ZNF385D: variants seen among roughly 807,000 people sequenced by gnomAD.
The protein encoded by ZNF385D is zinc finger protein 659.
ZNF385D carries 15 observed loss-of-function variants against 35.8 expected under a neutral mutation model. The observed-to-expected ratio is 0.42, with a 90% CI of 0.28 to 0.64. The LOEUF (loss-of-function observed/expected upper bound fraction) is 0.64, where lower values mean the gene tolerates loss of function less well. ZNF385D is among the 30% of genes least tolerant of loss of function. ZNF385D has a pLI of 0.23. For synonymous variants in ZNF385D, 212 were observed against 186.8 expected, an observed-to-expected ratio of 1.13 and a Z score of -1.10; for missense variants, 474 against 494.6, an observed-to-expected ratio of 0.96 and a Z score of 0.39.
chr3:22,155,962 T>G (rs1705556069), intron 3 of ZNF385D, among the ~76,000 whole-genome samples: 2 of 152,042 alleles, frequency 1.3e-5, no homozygotes, highest in Non-Finnish European at 1.5e-5. Context: ...ATCAAGGACT[T>G]TGAATTTTAG....
intron 3 of ZNF385D, among the ~76,000 whole-genome samples, chr3:22,040,999 C>T (rs1002446454): frequency 1.3e-5 from 2 of 151,952 alleles, no homozygotes; most frequent in African/African-American, 2.4e-5. Context: ...AGCAGAGAAT[C>T]GCATTTACTG....
chr3:21,673,366 C>T (rs2066632711), intron 1 of ZNF385D, among the ~76,000 whole-genome samples: 1 of 152,146 alleles, frequency 6.6e-6, no homozygotes, highest in Non-Finnish European at 1.5e-5. Flanking sequence ...TCCATTCTCA[C>T]AGAAGGTGCT....
At chr3:22,024,182 C>A (rs956363713) in intron 3 of ZNF385D, among the ~76,000 whole-genome samples, 3 of 152,150 alleles carry the variant, frequency 2.0e-5, no homozygotes, top group Non-Finnish European at 1.5e-5. Flanking sequence ...ATGCTTCCTG[C>A]CCTAGAACAT....
intron 3 of ZNF385D, among the ~76,000 whole-genome samples, chr3:22,151,610 A>C (rs968226207): frequency 1.3e-5 from 2 of 152,136 alleles, no homozygotes; most frequent in African/African-American, 4.8e-5. Context: ...TTGCTTGAGG[A>C]AAGTCAGTGT....
intron 3 of ZNF385D, among the ~76,000 whole-genome samples, chr3:21,759,906 GAC>G (rs1265562883): frequency 1.3e-5 from 2 of 152,132 alleles, no homozygotes; most frequent in Non-Finnish European, 2.9e-5. Context: ...TGAGCAGAGA[GAC>G]AGTGCAACTG....
chr3:21,547,760 G>GCACCCGC (rs1214230075), intron 3 of ZNF385D, among the ~76,000 whole-genome samples: 19 of 152,018 alleles, frequency 1.2e-4, no homozygotes, highest in African/African-American at 4.3e-4. Context: ...GGGACTACAG[G>GCACCCGC]CACCCGCCAC....
chr3:21,753,720 CTATTT>C (rs1482798364), upstream of ZNF385D, among the ~76,000 whole-genome samples: 5 of 152,034 alleles, frequency 3.3e-5, no homozygotes, highest in Admixed American at 1.3e-4. Context: ...TTACATAAAA[CTATTT>C]TATTTATTTG....
At chr3:21,604,236 T>A (rs1448772577) in intron 2 of ZNF385D, among the ~76,000 whole-genome samples, 1 of 152,018 alleles carries the variant, frequency 6.6e-6, no homozygotes, top group Admixed American at 6.6e-5. Flanking sequence ...GAGACCTATG[T>A]TTTTAACAGA....
At chr3:21,704,535 G>A (rs1038201193) in intron 1 of ZNF385D, among the ~76,000 whole-genome samples, 2 of 151,644 alleles carry the variant, frequency 1.3e-5, no homozygotes, top group East Asian at 1.9e-4. Flanking sequence ...TTGAGACAAC[G>A]TCTCGCTCTG....
intron 3 of ZNF385D, among the ~76,000 whole-genome samples, chr3:21,808,591 G>C (rs998518019): frequency 1.3e-5 from 2 of 152,194 alleles, no homozygotes; most frequent in Admixed American, 6.5e-5. Context: ...CCAGTGCTGT[G>C]GCCATAGAGC....
rs551590220 is a variant in ZNF385D at position 21,447,394 on chromosome 3, C to A, written c.440-10191G>T. Among the ~76,000 whole-genome samples, 5 of 152,164 alleles carry A rather than the reference C, an allele frequency of 3.3e-5. No individual in the cohort carries two copies. In the South Asian group the frequency reaches 1.0e-3, roughly 32 times the overall value. On this transcript the variant is annotated intron_variant, in intron 4 of 7. Coordinates refer to ENST00000281523, the MANE Select transcript of ZNF385D (RefSeq NM_024697.3). ...CTCCAAAATCTATGAATGGTAGCAC[C>A]CCTGTTCCAAGAGCTTTCAGAGGAA... is the stretch of plus-strand genomic sequence containing the variant.
intron 3 of ZNF385D, among the ~76,000 whole-genome samples, chr3:22,058,882 T>A (rs1470828238): frequency 6.6e-6 from 1 of 152,210 alleles, no homozygotes; most frequent in Non-Finnish European, 1.5e-5. Context: ...TCCACCTCCA[T>A]AGCAAGAAGT....
chr3:22,208,012 G>C (rs1212373280), intron 2 of ZNF385D, among the ~76,000 whole-genome samples: 1 of 151,886 alleles, frequency 6.6e-6, no homozygotes, highest in South Asian at 2.1e-4. Context: ...ATATGAAGAA[G>C]AGTTTAAAGG....
chr3:21,612,042 T>C (rs996249705), intron 2 of ZNF385D, among the ~76,000 whole-genome samples: 1 of 152,186 alleles, frequency 6.6e-6, no homozygotes, highest in Non-Finnish European at 1.5e-5. Flanking sequence ...ACAAATGTTA[T>C]ACCATTTAAT....
At chr3:21,589,237 G>A (rs1057103643) in intron 2 of ZNF385D, among the ~76,000 whole-genome samples, 6 of 152,144 alleles carry the variant, frequency 3.9e-5, no homozygotes, top group East Asian at 1.9e-4. Flanking sequence ...GGAGCATGTC[G>A]CTGCCTGAGG....
At chr3:21,958,867 T>C (rs3821393) in intron 3 of ZNF385D, 103,936 of 152,012 alleles carry the variant, frequency 0.68, 36,690 homozygotes, top group Non-Finnish European at 0.77. Context: ...TTACAAATAA[T>C]TCAAGAAAAA....
chr3:21,553,392 T>C (rs1221247922), intron 3 of ZNF385D, among the ~76,000 whole-genome samples: 2 of 152,214 alleles, frequency 1.3e-5, no homozygotes, highest in Non-Finnish European at 2.9e-5. Flanking sequence ...TAATATTATG[T>C]CTAAAAATAC....
intron 2 of ZNF385D, among the ~76,000 whole-genome samples, chr3:22,329,502 CTTTA>C (rs537930056): frequency 2.6e-3 from 389 of 152,190 alleles, no homozygotes; most frequent in African/African-American, 8.9e-3. Context: ...GCTTTACTTA[CTTTA>C]TTTATCTTAA....
chr3:21,838,795 T>C (rs988769771), intron 3 of ZNF385D, among the ~76,000 whole-genome samples: 2 of 152,072 alleles, frequency 1.3e-5, no homozygotes, highest in African/African-American at 4.8e-5. Context: ...ACTATAATTA[T>C]AAAATATCAC....
Sources: allele counts gnomAD v4.1 joint callset (sites outside exome capture counted in the v4.1 genomes callset), GRCh38; gene constraint gnomAD v4.1.1; transcripts MANE v1.5; gene names NCBI Gene and HGNC (gene_info 2026-07-23, HGNC 2026-07-21).